COG5: variants seen among roughly 807,000 people sequenced by gnomAD.
COG5 encodes the protein conserved oligomeric Golgi complex subunit 5.
COG5 carries 86 observed loss-of-function variants against 110.4 expected under a neutral mutation model. The ratio of observed to expected loss-of-function variants is 0.78; its 90% CI spans 0.65 to 0.93. The LOEUF (loss-of-function observed/expected upper bound fraction) is 0.93, where lower values mean the gene tolerates loss of function less well. Ranked by LOEUF, COG5 falls within the 40% of genes least tolerant of loss-of-function variation. The pLI is 0.00. For missense variants in COG5, 1,077 were observed against 987.0 expected (o/e 1.09, Z -1.22); for synonymous variants, 360 against 334.6 (o/e 1.08, Z -0.83).
chr7:107,271,417 T>G (rs191599949), intron 14 of COG5, among the ~76,000 whole-genome samples: 1 of 152,252 alleles, frequency 6.6e-6, no homozygotes, highest in African/African-American at 2.4e-5. Flanking sequence ...AATACATGAA[T>G]AGTATATATA....
chr7:107,482,074 G>T (rs903775221), intron 6 of COG5, among the ~76,000 whole-genome samples: 1 of 151,746 alleles, frequency 6.6e-6, no homozygotes, highest in Non-Finnish European at 1.5e-5. Context: ...CCAATTCCTG[G>T]GCCCCATCTC....
At chr7:107,308,619 G>A (rs1403846703) in intron 11 of COG5, among the ~76,000 whole-genome samples, 1 of 151,984 alleles carries the variant, frequency 6.6e-6, no homozygotes, top group Non-Finnish European at 1.5e-5. Flanking sequence ...TTTATCTCAT[G>A]AATTATTTGG....
intron 17 of COG5, among the ~76,000 whole-genome samples, chr7:107,246,847 G>C (rs540068465): frequency 2.4e-4 from 36 of 152,298 alleles, no homozygotes; most frequent in African/African-American, 6.0e-4. Context: ...ACTACCATTT[G>C]ACCCAGCAAT....
chr7:107,249,690 T>TTGTGTGTGTGTGTGTG (rs57572752), intron 16 of COG5, among the ~76,000 whole-genome samples: 3 of 131,658 alleles, frequency 2.3e-5, no homozygotes, highest in Non-Finnish European at 5.1e-5. Flanking sequence ...ACGTACAGGA[T>TTGTGTGTGTGTGTGTG]TGTGTGTGTG....
intron 7 of COG5, among the ~76,000 whole-genome samples, chr7:107,380,748 C>T (rs1815047360): frequency 6.6e-6 from 1 of 152,172 alleles, no homozygotes; most frequent in South Asian, 2.1e-4. Flanking sequence ...GAGCTGGTAC[C>T]ATTCCTTCCG....
At chr7:107,247,003 T>C (rs1190443478) in intron 17 of COG5, among the ~76,000 whole-genome samples, 1 of 152,124 alleles carries the variant, frequency 6.6e-6, no homozygotes, top group Non-Finnish European at 1.5e-5. Context: ...GATAAAGAAA[T>C]TGTGGTACAT....
intron 7 of COG5, among the ~76,000 whole-genome samples, chr7:107,394,656 G>A (rs928289976): frequency 6.6e-6 from 1 of 152,164 alleles, no homozygotes; most frequent in Non-Finnish European, 1.5e-5. Flanking sequence ...TAACCTTTGT[G>A]AGCATAAATA....
At chr7:107,408,853 C>T (rs1419592361) in intron 7 of COG5, among the ~76,000 whole-genome samples, 7 of 152,028 alleles carry the variant, frequency 4.6e-5, no homozygotes, top group Non-Finnish European at 1.0e-4. Context: ...GCAATATGTG[C>T]CCAACTTGCC....
At chr7:107,240,631 G>C (rs1801542392) in intron 17 of COG5, among the ~76,000 whole-genome samples, 1 of 152,180 alleles carries the variant, frequency 6.6e-6, no homozygotes, top group Non-Finnish European at 1.5e-5. Context: ...TGAAGGGTCA[G>C]GTTTTCACTA....
At chr7:107,236,312 TAACTA>T in intron 18 of COG5, 133 bp downstream of exon 18, 4 of 676,358 alleles carry the variant, frequency 5.9e-6, no homozygotes, top group Non-Finnish European at 7.8e-6. Context: ...TTTTTTTTTT[TAACTA>T]TTTATGCTTA....
chr7:107,405,571 T>C lies in COG5; in HGVS notation c.669+6931A>G, dbSNP rs1180660502. ...ACACACACAATTAAACTCAGAAAGA[T>C]GTTACAAACACAAATATCAATTTAT... is the stretch of plus-strand genomic sequence containing the variant. On this transcript the variant is annotated intron_variant, in intron 7 of 21. Transcript: ENST00000297135. Among the ~76,000 whole-genome samples, 3 of 152,202 alleles carry C rather than the reference T, an allele frequency of 2.0e-5. No individual in the cohort carries two copies. In the East Asian group the frequency reaches 5.8e-4, roughly 29 times the overall value.
chr7:107,309,470 A>C (rs1359480817), intron 11 of COG5, among the ~76,000 whole-genome samples: 1 of 152,134 alleles, frequency 6.6e-6, no homozygotes, highest in Non-Finnish European at 1.5e-5. Flanking sequence ...CATGGAACAG[A>C]GGTAGGCAGA....
At chr7:107,251,612 A>C (rs1012211556) in intron 16 of COG5, among the ~76,000 whole-genome samples, 22 of 152,308 alleles carry the variant, frequency 1.4e-4, no homozygotes, top group African/African-American at 5.3e-4. Context: ...CACATTTCTA[A>C]ATAATCCATG....
Position 107,236,562 on chromosome 7 carries a change from T to A in COG5, c.1979A>T (p.Asp660Val). 1 of 1,614,104 alleles carries A rather than the reference T, an allele frequency of 6.2e-7. No individual in the cohort carries two copies. Among genetic ancestry groups the A allele is most frequent in the Non-Finnish European group, 8.5e-7 (1 of 1,179,986 alleles). Residue 660 changes from aspartate (D) to valine (V), a missense_variant, in exon 18 of 22, where the codon GAC (aspartate) becomes GTC (valine). Coordinates refer to ENST00000297135, the MANE Select transcript of COG5 (RefSeq NM_006348.5). ...TCTTTGGGCAATAGCCTCAGTGTTG[T>A]CAAAGACAAAATCCAAGCATTCAAA... The part of the protein sequence containing the change: ...KHFECLDFVF[D>V]NTEAIAQRAV...
At chr7:107,398,824 C>A (rs1008062344) in intron 7 of COG5, among the ~76,000 whole-genome samples, 1 of 152,100 alleles carries the variant, frequency 6.6e-6, no homozygotes, top group African/African-American at 2.4e-5. Flanking sequence ...GAGGAACTGA[C>A]TACAAACAAG....
At chr7:107,366,767 C>T (rs1813662004) in intron 8 of COG5, among the ~76,000 whole-genome samples, 2 of 152,086 alleles carry the variant, frequency 1.3e-5, no homozygotes, top group Non-Finnish European at 2.9e-5. Flanking sequence ...AACTTTCTTG[C>T]CTTCTTTCCC....
At chr7:107,404,897 A>C (rs940430872) in intron 7 of COG5, among the ~76,000 whole-genome samples, 7 of 151,364 alleles carry the variant, frequency 4.6e-5, no homozygotes, top group African/African-American at 7.3e-5. Flanking sequence ...AAAAAAAAAA[A>C]AAAAAAAAAA....
At chr7:107,288,285 C>A (rs139691244) in intron 12 of COG5, among the ~76,000 whole-genome samples, 28 of 152,076 alleles carry the variant, frequency 1.8e-4, no homozygotes, top group Non-Finnish European at 3.5e-4. Flanking sequence ...CTGCTTGAGC[C>A]GGAGAGTTAG....
chr7:107,437,845 C>T (rs544243026), intron 6 of COG5, among the ~76,000 whole-genome samples: 39 of 152,260 alleles, frequency 2.6e-4, no homozygotes, highest in Admixed American at 1.3e-3. Flanking sequence ...TTGATCATAA[C>T]TAACCAAACT....
Sources: allele counts gnomAD v4.1 joint callset (sites outside exome capture counted in the v4.1 genomes callset), GRCh38; gene constraint gnomAD v4.1.1; transcripts MANE v1.5; gene names NCBI Gene and HGNC (gene_info 2026-07-23, HGNC 2026-07-21).